ATP8A2: variants seen among roughly 807,000 people sequenced by gnomAD.
The protein encoded by ATP8A2 is ATPase phospholipid transporting 8A2, also known as phospholipid-transporting ATPase IB.
In ATP8A2, 100 loss-of-function variants were observed where a neutral mutation model predicts 165.6. The ratio of observed to expected loss-of-function variants is 0.60; its 90% CI spans 0.51 to 0.71. The LOEUF (loss-of-function observed/expected upper bound fraction) is 0.71, where lower values mean the gene tolerates loss of function less well. Ranked by LOEUF, ATP8A2 falls within the 30% of genes least tolerant of loss-of-function variation. ATP8A2 has a pLI of 0.00. For synonymous variants in ATP8A2, 543 were observed against 548.8 expected (o/e 0.99, Z 0.15); for missense variants, 1,227 against 1,479.5 (o/e 0.83, Z 2.80).
intron 30 of ATP8A2, among the ~76,000 whole-genome samples, chr13:25,845,458 G>A (rs1951838952): frequency 6.6e-6 from 1 of 152,162 alleles, no homozygotes; most frequent in Admixed American, 6.5e-5. Context: ...AAAAACATTT[G>A]TTCTTGATTC....
intron 1 of ATP8A2, among the ~76,000 whole-genome samples, chr13:25,400,607 C>T (rs2033605960): frequency 6.6e-6 from 1 of 152,236 alleles, no homozygotes; most frequent in African/African-American, 2.4e-5. Context: ...CTGAACACCA[C>T]TGAATCCTTT....
chr13:25,861,534 C>T (rs1034408361), intron 32 of ATP8A2, among the ~76,000 whole-genome samples: 1 of 152,196 alleles, frequency 6.6e-6, no homozygotes, highest in Non-Finnish European at 1.5e-5. Flanking sequence ...TGTTTAAATG[C>T]TCTGCTAAGA....
intron 35 of ATP8A2, among the ~76,000 whole-genome samples, chr13:25,994,176 G>A (rs1956447532): frequency 6.6e-6 from 1 of 152,010 alleles, no homozygotes; most frequent in Non-Finnish European, 1.5e-5. Flanking sequence ...ATTTTTGTAT[G>A]TTGATCTTAC....
At chr13:25,399,131 G>A (rs1159566641) in intron 1 of ATP8A2, among the ~76,000 whole-genome samples, 1 of 152,116 alleles carries the variant, frequency 6.6e-6, no homozygotes, top group East Asian at 1.9e-4. Flanking sequence ...CTCTAAGGAG[G>A]ATGTGATATA....
chr13:25,816,747 C>T (rs987655918), intron 27 of ATP8A2, among the ~76,000 whole-genome samples: 5 of 152,048 alleles, frequency 3.3e-5, no homozygotes, highest in African/African-American at 9.7e-5. Context: ...TATAACCCTC[C>T]GCTGGGAGAG....
At chr13:25,790,729 G>A (rs2045148104) in intron 27 of ATP8A2, among the ~76,000 whole-genome samples, 2 of 150,370 alleles carry the variant, frequency 1.3e-5, no homozygotes. Context: ...AACATAAACA[G>A]ACACTTTTCA....
intron 2 of ATP8A2, among the ~76,000 whole-genome samples, chr13:25,491,597 G>C (rs1566180668): frequency 6.6e-6 from 1 of 152,160 alleles, no homozygotes; most frequent in Non-Finnish European, 1.5e-5. Flanking sequence ...AGTAGAACTT[G>C]AGTTACTTCG....
chr13:25,500,698 G>T (rs2036828889), intron 2 of ATP8A2, among the ~76,000 whole-genome samples: 3 of 152,012 alleles, frequency 2.0e-5, no homozygotes, highest in Admixed American at 2.0e-4. Context: ...TCCCACCTCA[G>T]CCTCCTGAGT....
chr13:25,428,599 A>G (rs56198438), intron 1 of ATP8A2, among the ~76,000 whole-genome samples: 3,615 of 152,248 alleles, frequency 0.024, 151 homozygotes, highest in African/African-American at 0.082. Context: ...CCTCTGAGAG[A>G]AGGGCATGTC....
chr13:25,996,382 C>T (rs1956504070), intron 35 of ATP8A2, among the ~76,000 whole-genome samples: 1 of 152,190 alleles, frequency 6.6e-6, no homozygotes, highest in African/African-American at 2.4e-5. Flanking sequence ...TTCACTTTAA[C>T]TCATCAAACA....
chr13:25,727,434 C>A (rs2043518860), intron 25 of ATP8A2, among the ~76,000 whole-genome samples: 1 of 152,110 alleles, frequency 6.6e-6, no homozygotes, highest in Non-Finnish European at 1.5e-5. Context: ...CGCCCCATGC[C>A]AGAGCTGTAT....
chr13:25,934,028 A>G (rs1954826998), intron 33 of ATP8A2, among the ~76,000 whole-genome samples: 2 of 152,220 alleles, frequency 1.3e-5, no homozygotes, highest in Non-Finnish European at 2.9e-5. Flanking sequence ...ACCAGCTCCA[A>G]ATAAACTCAT....
intron 6 of ATP8A2, among the ~76,000 whole-genome samples, chr13:25,535,969 T>A (rs1480242502): frequency 6.6e-6 from 1 of 152,112 alleles, no homozygotes; most frequent in Non-Finnish European, 1.5e-5. Context: ...ATTTCTCTTA[T>A]CCTCCCACTT....
chr13:25,986,064 T>A lies in ATP8A2; in HGVS notation c.3377+17385T>A, dbSNP rs371324398. Among the ~76,000 whole-genome samples the A allele has an allele frequency of 5.3e-5, 8 of 152,342 alleles. No individual in the cohort carries two copies. In the South Asian group the frequency reaches 1.2e-3, roughly 24 times the overall value. On this transcript the variant is annotated intron_variant, in intron 35 of 36. Coordinates refer to ENST00000381655, the MANE Select transcript of ATP8A2 (RefSeq NM_016529.6). ...CACTGAGGACTGTCATTCTTTTTTTTTCTCTTCAGCTTCATTGAGGTATAA... is the reference window on the plus strand; with the variant it reads ...CACTGAGGACTGTCATTCTTTTTTTATCTCTTCAGCTTCATTGAGGTATAA...
In ATP8A2 at chr13:25,386,915, G is replaced by T. The variant is rs375668406; in HGVS notation, c.76+14627G>T. ...GGGAGGCTGAAGCAGGAGAATGGCG[G>T]GAACCCGGGAGGCGGAGCTTGCAGT... On this transcript the variant is annotated intron_variant, in intron 1 of 36. Transcript: ENST00000381655. Among the ~76,000 whole-genome samples, 140 of 148,402 alleles carry T rather than the reference G, an allele frequency of 9.4e-4. 1 individual carries two copies. Among genetic ancestry groups the T allele is most frequent in the African/African-American group, 2.7e-3 (112 of 40,958 alleles).
intron 33 of ATP8A2, chr13:25,944,512 G>A (rs1016536714): frequency 6.6e-6 from 1 of 151,054 alleles, no homozygotes; most frequent in Non-Finnish European, 1.5e-5. Flanking sequence ...AAAAAGAAAA[G>A]AATACAGGCC....
At chr13:25,647,031 G>A (rs552136978) in intron 24 of ATP8A2, among the ~76,000 whole-genome samples, 1 of 152,236 alleles carries the variant, frequency 6.6e-6, no homozygotes, top group South Asian at 2.1e-4. Context: ...CCCATTTTAT[G>A]TTTTTAATGT....
intron 27 of ATP8A2, among the ~76,000 whole-genome samples, chr13:25,815,374 G>A (rs1950986149): frequency 6.6e-6 from 1 of 152,102 alleles, no homozygotes; most frequent in South Asian, 2.1e-4. Context: ...TCAAAAATGG[G>A]CGAAAGACTT....
At chr13:25,951,775 A>G (rs538533253) in intron 33 of ATP8A2, among the ~76,000 whole-genome samples, 1 of 152,346 alleles carries the variant, frequency 6.6e-6, no homozygotes, top group South Asian at 2.1e-4. Flanking sequence ...AGGTTCATTG[A>G]TAAAACTCCC....
Sources: allele counts gnomAD v4.1 joint callset (sites outside exome capture counted in the v4.1 genomes callset), GRCh38; gene constraint gnomAD v4.1.1; transcripts MANE v1.5; gene names NCBI Gene and HGNC (gene_info 2026-07-23, HGNC 2026-07-21).